PCDHGA3: variants seen among roughly 807,000 people sequenced by gnomAD.
PCDHGA3 encodes the protein protocadherin gamma subfamily A, 3.
In PCDHGA3, 40 loss-of-function variants were observed where a neutral mutation model predicts 58.5. The observed-to-expected ratio is 0.68, with a 90% CI of 0.53 to 0.89. PCDHGA3 has a LOEUF of 0.89. Ranked by LOEUF, PCDHGA3 falls within the 40% of genes least tolerant of loss-of-function variation. The probability of loss-of-function intolerance (pLI) is 0.00; values close to 1 mark genes in which losing one functional copy is unlikely to be tolerated. For missense variants in PCDHGA3, 1,223 were observed against 1,195.9 expected (o/e 1.02, Z -0.33); for synonymous variants, 530 against 525.7 (o/e 1.01, Z -0.11).
Position 141,485,979 on chromosome 5 carries a change from C to T in PCDHGA3, c.2425-8828C>T. ...CTCATCCAGCTCAATGCCTCAGACC[C>T]GGACCTGGGTCCCAGTGGTAACGTC... is the stretch of plus-strand genomic sequence containing the variant. On this transcript the variant is annotated intron_variant, in intron 1 of 3. Coordinates refer to ENST00000253812, the MANE Select transcript of PCDHGA3 (RefSeq NM_018916.4). The surrounding 1 kb of genome is among the most constrained non-coding windows in gnomAD (Gnocchi z 5.7). The T allele has an allele frequency of 1.2e-6, 2 of 1,614,182 alleles. No individual in the cohort carries two copies. The highest frequency in any genetic ancestry group is 1.7e-6 in the Non-Finnish European group (2 of 1,180,022).
intron 1 of PCDHGA3, chr5:141,382,939 T>G: frequency 6.3e-7 from 1 of 1,594,910 alleles, no homozygotes; most frequent in Non-Finnish European, 8.6e-7. Context: ...CAGAGGATTC[T>G]TCCTGCTCTC....
intron 1 of PCDHGA3, chr5:141,365,931 C>T (rs1221190365): frequency 6.2e-7 from 1 of 1,614,112 alleles, no homozygotes; most frequent in African/African-American, 1.3e-5. Flanking sequence ...TGGGTGACAG[C>T]CAGCGACAGT....
chr5:141,420,255 A>G lies in PCDHGA3; in HGVS notation c.2424+73798A>G, dbSNP rs917458059. The G allele has an allele frequency of 7.6e-6, 12 of 1,569,630 alleles. No homozygotes were observed. Among genetic ancestry groups the G allele is most frequent in the African/African-American group, 1.4e-5 (1 of 73,152 alleles). ...ATTTTAACTCCCAGCGTTGAAGCAG[A>G]TAAGAAGATTCTTAAACAGGTAAGT... is the stretch of plus-strand genomic sequence containing the variant. On this transcript the variant is annotated intron_variant, in intron 1 of 3. Coordinates refer to ENST00000253812, the MANE Select transcript of PCDHGA3 (RefSeq NM_018916.4).
At chr5:141,356,043 C>T (rs755704809) in intron 1 of PCDHGA3, 3 of 1,613,952 alleles carry the variant, frequency 1.9e-6, no homozygotes, top group Admixed American at 1.7e-5. Flanking sequence ...CGTATTCTTT[C>T]CGGAAAGTAA....
chr5:141,503,268 C>A (rs1038268807), intron 2 of PCDHGA3, among the ~76,000 whole-genome samples: 6 of 152,068 alleles, frequency 3.9e-5, no homozygotes, highest in African/African-American at 7.2e-5. Context: ...AACCCCAGCA[C>A]CTGGCTCTGT....
At chr5:141,395,076 C>A (rs1384743817) in intron 1 of PCDHGA3, 1 of 1,614,142 alleles carries the variant, frequency 6.2e-7, no homozygotes, top group Admixed American at 1.7e-5. Context: ...GACCTATTCC[C>A]AGGAAGTCTC....
rs377095835 is a variant in PCDHGA3, at chr5:141,345,656, A to C, written c.1623A>C (p.Pro541=). The C allele has an allele frequency of 3.1e-6, 5 of 1,614,050 alleles. No individual in the cohort carries two copies. The highest frequency in any genetic ancestry group is 3.4e-6 in the Non-Finnish European group (4 of 1,180,044). Residue 541 remains proline, a synonymous_variant, in exon 1 of 4, where the codon CCA becomes CCC. Coordinates refer to ENST00000253812, the MANE Select transcript of PCDHGA3 (RefSeq NM_018916.4). ...CAGCCAGCGACAGCGGGAACCCTCCACTCAGCAGCAACGTGTCGCTGAACC... is the reference window on the plus strand; with the variant it reads ...CAGCCAGCGACAGCGGGAACCCTCCCCTCAGCAGCAACGTGTCGCTGAACC... ...LVTASDSGNP[P]LSSNVSLNLF...
chr5:141,391,570 A>G (rs931571256), intron 1 of PCDHGA3: 4 of 152,236 alleles, frequency 2.6e-5, no homozygotes, highest in African/African-American at 7.2e-5. Context: ...TGCATAAGAA[A>G]ATATATTCAC....
rs754577584 is a variant in PCDHGA3, at chr5:141,384,611, G to A, written c.2424+38154G>A. The A allele has an allele frequency of 4.3e-6, 7 of 1,614,098 alleles. No individual in the cohort carries two copies. The highest frequency in any genetic ancestry group is 5.9e-6 in the Non-Finnish European group (7 of 1,180,050). On this transcript the variant is annotated intron_variant, in intron 1 of 3. Coordinates refer to ENST00000253812, the MANE Select transcript of PCDHGA3 (RefSeq NM_018916.4). ...CTGTACCCGGCCCTCCCCACAGATG[G>A]TTCTACTGGCATGGAGCTGGCACCC...
rs763239421 is a variant in PCDHGA3, at chr5:141,477,265, G to C, written c.2425-17542G>C. 1 of 1,614,198 alleles carries C rather than the reference G, an allele frequency of 6.2e-7. No homozygotes were observed. Among genetic ancestry groups the C allele is most frequent in the Admixed American group, 1.7e-5 (1 of 60,020 alleles). On this transcript the variant is annotated intron_variant, in intron 1 of 3. Coordinates refer to ENST00000253812, the MANE Select transcript of PCDHGA3 (RefSeq NM_018916.4). The surrounding 1 kb of genome is among the most constrained non-coding windows in gnomAD (Gnocchi z 4.9). ...GTGTGACTGACCTGGATGCTGGCGA[G>C]AACGGGCTGGTGACCTGCGAAGTTC...
chr5:141,464,310 A>T lies in PCDHGA3; in HGVS notation c.2425-30497A>T, dbSNP rs1327900308. ...AAAAAACTCCATTGTATGTGCACAT[A>T]TCATTATCTGTTCAACCCATCTATG... On this transcript the variant is annotated intron_variant, in intron 1 of 3. Coordinates refer to ENST00000253812, the MANE Select transcript of PCDHGA3 (RefSeq NM_018916.4). 2.0e-5 allele frequency among the ~76,000 whole-genome samples: 3 copies of T among 151,494 alleles called. No homozygotes were observed. The East Asian group carries it at 5.8e-4, about 29-fold the overall frequency.
At chr5:141,385,370 A>G (rs1165174523) in intron 1 of PCDHGA3, 1 of 1,530,088 alleles carries the variant, frequency 6.5e-7, no homozygotes, top group South Asian at 1.3e-5. Flanking sequence ...TATTTGCATG[A>G]TATTTCTCTA....
At position 141,344,481 on chromosome 5, in the gene PCDHGA3, AC is replaced by A; in HGVS notation, c.451del (p.Arg151AspfsTer12). ...AATTGGTGAACTAACGGTTCCTGGA[AC>A]CCGATTTCCAATTAAAACTGCTTTT... ...IKIGELTVPG[T>X]RFPIKTAFDP... On this transcript the variant is annotated frameshift_variant, in exon 1 of 4. Transcript: ENST00000253812. LOFTEE classifies it high-confidence loss of function. 6.2e-7 allele frequency: 1 copy of A among 1,613,924 alleles called. No homozygotes were observed. The highest frequency in any genetic ancestry group is 8.5e-7 in the Non-Finnish European group (1 of 1,179,870).
Position 141,493,022 on chromosome 5 carries a change from G to T in PCDHGA3, c.2425-1785G>T, listed in dbSNP as rs1184742888. ...GCTATAGGCTCTGCCAGATGCCAGG[G>T]TGCCCTTATGTGTGAGGAAACTACA... On this transcript the variant is annotated intron_variant, in intron 1 of 3. Transcript: ENST00000253812. The surrounding 1 kb of genome is among the most constrained non-coding windows in gnomAD (Gnocchi z 4.3). Among the ~76,000 whole-genome samples the T allele has an allele frequency of 1.3e-5, 2 of 152,222 alleles. No individual in the cohort carries two copies. Among genetic ancestry groups the T allele is most frequent in the Admixed American group, 1.3e-4 (2 of 15,282 alleles).
intron 1 of PCDHGA3, chr5:141,392,777 A>T (rs1226924811): frequency 6.5e-7 from 1 of 1,529,322 alleles, no homozygotes; most frequent in Admixed American, 2.2e-5. Context: ...ATTTATGCAC[A>T]GTGAAGATTC....
intron 1 of PCDHGA3, chr5:141,420,319 G>A (rs1393746531): frequency 7.0e-7 from 1 of 1,437,540 alleles, no homozygotes; most frequent in Non-Finnish European, 9.4e-7. Flanking sequence ...ATTACAATAT[G>A]CCAATATATT....
intron 1 of PCDHGA3, among the ~76,000 whole-genome samples, chr5:141,455,125 A>G (rs952979433): frequency 3.5e-4 from 53 of 151,762 alleles, no homozygotes; most frequent in Non-Finnish European, 1.0e-4. Flanking sequence ...CTAATGTTTT[A>G]AATTACACTG....
At chr5:141,409,071 A>G in intron 1 of PCDHGA3, 4 of 1,613,996 alleles carry the variant, frequency 2.5e-6, no homozygotes, top group Non-Finnish European at 3.4e-6. Context: ...AGCACAAAAC[A>G]TATGTTCTCA....
chr5:141,392,641 C>G (rs541777624), intron 1 of PCDHGA3: 2 of 655,502 alleles, frequency 3.1e-6, no homozygotes, highest in Non-Finnish European at 2.5e-6. Context: ...TCACACCTCA[C>G]GAAGACCCGC....
Sources: allele counts gnomAD v4.1 joint callset (sites outside exome capture counted in the v4.1 genomes callset), GRCh38; gene constraint gnomAD v4.1.1; non-coding constraint Gnocchi (gnomAD v3.1); transcripts MANE v1.5; gene names NCBI Gene and HGNC (gene_info 2026-07-23, HGNC 2026-07-21).